IFNAR2: variants seen among roughly 807,000 people sequenced by gnomAD.
The protein encoded by IFNAR2 is interferon alpha and beta receptor subunit 2, also known as interferon alpha/beta receptor 2.
IFNAR2 carries 30 observed loss-of-function variants against 49.4 expected under a neutral mutation model. The observed-to-expected ratio is 0.61, with a 90% CI of 0.45 to 0.82. The LOEUF is 0.82. Among genes scored for constraint, IFNAR2 ranks in the 40% least tolerant of loss-of-function variants. IFNAR2 has a pLI of 0.00. For missense variants in IFNAR2, 600 were observed against 622.7 expected (o/e 0.96, Z 0.39); for synonymous variants, 224 against 234.5 (o/e 0.96, Z 0.41).
intron 4 of IFNAR2, among the ~76,000 whole-genome samples, chr21:33,246,093 C>T (rs1463576324): frequency 4.1e-5 from 6 of 146,594 alleles, no homozygotes; most frequent in Admixed American, 2.1e-4. Flanking sequence ...TTTTTTGAGA[C>T]GGAGTCTCAC....
intron 4 of IFNAR2, 166 bp from the exon 5 acceptor site, chr21:33,246,552 G>T (rs1000966318): frequency 6.3e-6 from 1 of 158,000 alleles, no homozygotes; most frequent in Non-Finnish European, 1.4e-5. Flanking sequence ...CAGGGGTGGG[G>T]AGGGCATAAG....
chr21:33,235,391 ATAACTC>A (rs974968065), intron 1 of IFNAR2, among the ~76,000 whole-genome samples: 1 of 152,208 alleles, frequency 6.6e-6, no homozygotes, highest in African/African-American at 2.4e-5. Flanking sequence ...CAGCAGGACA[ATAACTC>A]TAGGAAAAAC....
chr21:33,243,846 T>C (rs933279924), intron 3 of IFNAR2, 132 bp downstream of exon 3: 1 of 769,026 alleles, frequency 1.3e-6, no homozygotes, highest in Non-Finnish European at 2.3e-6. Context: ...TGGGATTCTT[T>C]CTCTGTAAAA....
chr21:33,263,247 T>C lies in IFNAR2; in HGVS notation c.1295T>C (p.Leu432Ser), dbSNP rs763638771. 17 of 1,614,082 alleles carry C rather than the reference T, an allele frequency of 1.1e-5. No homozygotes were observed. The highest frequency in any genetic ancestry group is 1.6e-4 in the Middle Eastern group (1 of 6,084). ...AATGTGGACTTAAACTCTGTGTTTTTGAGAGTTCTTGATGACGAGGACAGT... is the reference window on the plus strand; with the variant it reads ...AATGTGGACTTAAACTCTGTGTTTTCGAGAGTTCTTGATGACGAGGACAGT... The part of the protein sequence containing the change: ...TFNVDLNSVF[L>S]RVLDDEDSDD... Residue 432 changes from leucine (L) to serine (S), a missense_variant, in exon 9 of 9, where the codon TTG (leucine) becomes TCG (serine). Leu to Ser is a moderately radical substitution (Grantham distance 145). Coordinates refer to ENST00000342136, the MANE Select transcript of IFNAR2 (RefSeq NM_001289125.3).
chr21:33,235,470 G>A lies in IFNAR2; in HGVS notation c.-84+5254G>A, dbSNP rs184318928. 7.2e-4 allele frequency among the ~76,000 whole-genome samples: 110 copies of A among 152,260 alleles called. 1 individual carries two copies. Among genetic ancestry groups the A allele is most frequent in the African/African-American group, 2.5e-3 (105 of 41,532 alleles). ...TTGGTGCATTGTCAGGCAACAGTGA[G>A]CTACAGACTGAGCTCACTACATAAT... On this transcript the variant is annotated intron_variant, in intron 1 of 8. Transcript: ENST00000342136.
At chr21:33,235,405 A>G (rs932998535) in intron 1 of IFNAR2, among the ~76,000 whole-genome samples, 1 of 152,192 alleles carries the variant, frequency 6.6e-6, no homozygotes, top group African/African-American at 2.4e-5. Context: ...CTCTAGGAAA[A>G]ACTGGAAAGG....
intron 8 of IFNAR2, 113 bp downstream of exon 8, chr21:33,260,840 C>G: frequency 3.2e-6 from 2 of 620,480 alleles, no homozygotes; most frequent in Non-Finnish European, 5.1e-6. Context: ...TTTCTATAAA[C>G]ACCAAAATGC....
At chr21:33,239,678 ATACCCTCCATTC>A (rs1986768196) in intron 1 of IFNAR2, among the ~76,000 whole-genome samples, 1 of 141,338 alleles carries the variant, frequency 7.1e-6, no homozygotes, top group African/African-American at 2.7e-5. Context: ...TACAGGTTCT[ATACCCTCCATTC>A]TGCAGACCCA....
chr21:33,253,582 A>G (rs1238860637), intron 7 of IFNAR2, among the ~76,000 whole-genome samples: 2 of 152,218 alleles, frequency 1.3e-5, no homozygotes, highest in East Asian at 1.9e-4. Context: ...TGCGCAAGAA[A>G]GAATTCAGAG....
intron 1 of IFNAR2, among the ~76,000 whole-genome samples, chr21:33,233,620 A>G (rs1986222029): frequency 6.6e-6 from 1 of 152,226 alleles, no homozygotes; most frequent in African/African-American, 2.4e-5. Flanking sequence ...GGTTGTGAGG[A>G]AACAGTTCCA....
chr21:33,241,791 T>C (rs1986946127), intron 1 of IFNAR2, 49 bp from the exon 2 acceptor site: 1 of 1,393,540 alleles, frequency 7.2e-7, no homozygotes, highest in Non-Finnish European at 9.6e-7. Flanking sequence ...TTACTATTCC[T>C]TACAGGTCTC....
chr21:33,261,770 G>A (rs1212753369), intron 8 of IFNAR2, among the ~76,000 whole-genome samples: 1 of 152,154 alleles, frequency 6.6e-6, no homozygotes, highest in Non-Finnish European at 1.5e-5. Flanking sequence ...CAGCTACTCA[G>A]GAGGATGTGG....
chr21:33,249,109 C>T (rs1222402949), intron 6 of IFNAR2, among the ~76,000 whole-genome samples: 1 of 152,068 alleles, frequency 6.6e-6, no homozygotes, highest in Non-Finnish European at 1.5e-5. Context: ...TTTGGGAGGC[C>T]GAGGCGGGCA....
At chr21:33,242,118 G>A in intron 2 of IFNAR2, 141 bp downstream of exon 2, 1 of 662,400 alleles carries the variant, frequency 1.5e-6, no homozygotes, top group Non-Finnish European at 2.5e-6. Flanking sequence ...GAGTTAAGTG[G>A]AAAGCAAATA....
chr21:33,236,735 T>C, intron 1 of IFNAR2: 1 of 985,344 alleles, frequency 1.0e-6, no homozygotes, highest in Non-Finnish European at 1.2e-6. Context: ...AAGTGTGAGC[T>C]GGGGCTCCTA....
intron 7 of IFNAR2, among the ~76,000 whole-genome samples, chr21:33,257,567 G>T (rs1322130618): frequency 6.7e-6 from 1 of 148,164 alleles, no homozygotes; most frequent in Non-Finnish European, 1.5e-5. Context: ...GCGCTGATTG[G>T]TGCGTTTTAG....
rs200133930 is a variant in IFNAR2, at chr21:33,240,646, C to CA, written c.-83-1186dup. Among the ~76,000 whole-genome samples the CA allele has an allele frequency of 8.9e-3, 1,346 of 151,392 alleles. 34 individuals are homozygous for CA. The highest frequency in any genetic ancestry group is 0.031 in the African/African-American group (1,285 of 41,300). ...GCAACATAGTGAGACCCTATCTCTA[C>CA]AAAAAAAAGGTTTTTTTAATTAGCC... On this transcript the variant is annotated intron_variant, in intron 1 of 8. Transcript: ENST00000342136.
chr21:33,232,859 T>G (rs560558027), intron 1 of IFNAR2: 1 of 317,452 alleles, frequency 3.2e-6, no homozygotes, highest in African/African-American at 2.2e-5. Flanking sequence ...AAGTCGAGGT[T>G]TCACTCTGCC....
chr21:33,238,056 C>T lies in IFNAR2; in HGVS notation c.-83-3784C>T, dbSNP rs922955512. ...ACATACGACCCTCCTGCACACATAA[C>T]TCACAATCTTCCTGCGTATCATCAA... On this transcript the variant is annotated intron_variant, in intron 1 of 8. Transcript: ENST00000342136. Among the ~76,000 whole-genome samples the T allele has an allele frequency of 3.9e-5, 6 of 152,206 alleles. No individual in the cohort carries two copies. In the South Asian group the frequency reaches 8.3e-4, roughly 21 times the overall value.
Sources: allele counts gnomAD v4.1 joint callset (sites outside exome capture counted in the v4.1 genomes callset), GRCh38; gene constraint gnomAD v4.1.1; transcripts MANE v1.5; gene names NCBI Gene and HGNC (gene_info 2026-07-23, HGNC 2026-07-21).